AQR: variants seen among roughly 807,000 people sequenced by gnomAD.
AQR encodes the protein aquarius intron-binding spliceosomal factor.
AQR carries 61 observed loss-of-function variants against 180.5 expected under a neutral mutation model. The observed-to-expected ratio is 0.34, with a 90% confidence interval of 0.28 to 0.42. The LOEUF (loss-of-function observed/expected upper bound fraction) is 0.42, where lower values mean the gene tolerates loss of function less well. AQR is among the 10% of genes least tolerant of loss of function. The probability of loss-of-function intolerance (pLI) is 1.00; values close to 1 mark genes in which losing one functional copy is unlikely to be tolerated. For missense variants in AQR, 1,281 were observed against 1,798.3 expected, an observed-to-expected ratio of 0.71 and a Z score of 5.20; for synonymous variants, 551 against 588.8, an observed-to-expected ratio of 0.94 and a Z score of 0.93.
At chr15:34,871,943 T>C (rs1183580657) in intron 30 of AQR, among the ~76,000 whole-genome samples, 8 of 142,782 alleles carry the variant, frequency 5.6e-5, no homozygotes, top group Admixed American at 5.6e-4. Flanking sequence ...AATAAGAATA[T>C]AAACACAATA....
chr15:34,884,794 A>G (rs1313863495), intron 25 of AQR, 60 bp from the exon 26 acceptor site: 1 of 1,299,586 alleles, frequency 7.7e-7, no homozygotes, highest in East Asian at 2.4e-5. Flanking sequence ...AAAGCATAAA[A>G]TGAATAAATC....
chr15:34,856,770 C>A lies in AQR; in HGVS notation c.*22G>T. On this transcript the variant is annotated 3_prime_UTR_variant, in exon 35 of 35. Transcript: ENST00000156471. ...CAGACTTTTTGACTGCCATGTCCTC[C>A]TTTAGAAGGACTACAGTTTGGCTAC... The A allele has an allele frequency of 2.0e-6, 3 of 1,490,680 alleles. No individual in the cohort carries two copies. Among genetic ancestry groups the A allele is most frequent in the Non-Finnish European group, 1.8e-6 (2 of 1,119,418 alleles). 92.3% of individuals were successfully genotyped at this position (1,490,680 alleles called of 1,614,324 possible).
intron 20 of AQR, among the ~76,000 whole-genome samples, chr15:34,898,937 G>A (rs1294299997): frequency 6.6e-6 from 1 of 151,182 alleles, no homozygotes; most frequent in Non-Finnish European, 1.5e-5. Flanking sequence ...GGAGGCCAAG[G>A]TGGGTGGATC....
intron 34 of AQR, among the ~76,000 whole-genome samples, chr15:34,857,357 T>C (rs1490321202): frequency 1.3e-5 from 2 of 152,232 alleles, no homozygotes; most frequent in Admixed American, 6.5e-5. Flanking sequence ...AGCTATTAGA[T>C]TTTTAAGCAA....
intron 3 of AQR, among the ~76,000 whole-genome samples, chr15:34,958,154 G>C (rs575099725): frequency 2.0e-5 from 3 of 152,282 alleles, no homozygotes; most frequent in African/African-American, 7.2e-5. Context: ...CTTGCAGTGA[G>C]CCGAGATCAT....
At chr15:34,876,512 T>C (rs1037312328) in intron 27 of AQR, among the ~76,000 whole-genome samples, 16 of 152,094 alleles carry the variant, frequency 1.1e-4, no homozygotes, top group African/African-American at 3.9e-4. Flanking sequence ...TCAAAACTCT[T>C]GAGTCTATTC....
chr15:34,958,024 T>A (rs994042625), intron 3 of AQR, among the ~76,000 whole-genome samples: 2 of 150,780 alleles, frequency 1.3e-5, no homozygotes, highest in Non-Finnish European at 3.0e-5. Flanking sequence ...CTGGCTAACA[T>A]GGTGAAACCC....
intron 17 of AQR, among the ~76,000 whole-genome samples, chr15:34,908,226 T>C (rs1394355207): frequency 6.6e-6 from 1 of 152,040 alleles, no homozygotes; most frequent in South Asian, 2.1e-4. Flanking sequence ...CTGAGGCAGG[T>C]GGATCACAAG....
At chr15:34,910,043 G>T in intron 17 of AQR, 92 bp downstream of exon 17, 1 of 1,412,500 alleles carries the variant, frequency 7.1e-7, no homozygotes, top group Non-Finnish European at 9.8e-7. Context: ...AGCTTTAAAG[G>T]ATAACATTTA....
intron 33 of AQR, among the ~76,000 whole-genome samples, chr15:34,861,866 T>C (rs972193308): frequency 6.6e-6 from 1 of 152,162 alleles, no homozygotes; most frequent in Non-Finnish European, 1.5e-5. Flanking sequence ...ATTTAAGTTT[T>C]TTTTTAGTAG....
At chr15:34,920,564 G>A (rs1009911855) in intron 13 of AQR, 130 bp from the exon 14 acceptor site, 5 of 691,830 alleles carry the variant, frequency 7.2e-6, no homozygotes, top group East Asian at 2.9e-5. Flanking sequence ...TCAAAAACCA[G>A]CAATGAAAAT....
intron 18 of AQR, 150 bp from the exon 19 acceptor site, chr15:34,904,655 C>G (rs951751599): frequency 2.1e-5 from 14 of 657,690 alleles, no homozygotes; most frequent in Admixed American, 1.8e-4. Flanking sequence ...TCCACTCACC[C>G]ACTTCAAATT....
At position 34,938,738 on chromosome 15, in the gene AQR, A is replaced by G. The variant is rs1482344516; in HGVS notation, c.717T>C (p.Ser239=). 7.1e-7 allele frequency: 1 copy of G among 1,399,692 alleles called. No homozygotes were observed. Among genetic ancestry groups the G allele is most frequent in the African/African-American group, 1.5e-5 (1 of 66,656 alleles). The allele number at this position is 1,399,692 out of a possible 1,614,324, so 86.7% of individuals were successfully genotyped here. The part of the protein sequence containing the change: ...FISVLKSVPL[S]EPVTMDKVHY... The stretch of plus-strand genomic sequence containing the variant: ...TGCACTGAGTAAAAAAGAAGATACC[A>G]GAAAGTGGGACTGATTTCAGCACAG... The change falls in exon 9 of 35, where the codon TCT becomes TCC. Residue 239 remains serine (S), a splice_region_variant and synonymous_variant. Transcript: ENST00000156471.
At position 34,948,047 on chromosome 15, in the gene AQR, T is replaced by C. The variant is rs1894156272; in HGVS notation, c.330+217A>G. 13 of 453,920 alleles carry C rather than the reference T, an allele frequency of 2.9e-5. No homozygotes were observed. In the South Asian group the frequency reaches 4.9e-4, roughly 17 times the overall value. 28.1% of individuals were successfully genotyped at this position (453,920 alleles called of 1,614,324 possible). The stretch of plus-strand genomic sequence containing the variant: ...AAAGCAGAAAAATAACTCACATTCA[T>C]AAATTTTCAATTCATAGTAAATTAT... On this transcript the variant is annotated intron_variant, in intron 5 of 34. Transcript: ENST00000156471.
chr15:34,867,940 T>C (rs764492971), intron 31 of AQR: 5 of 209,922 alleles, frequency 2.4e-5, no homozygotes, highest in Non-Finnish European at 4.7e-5. Flanking sequence ...TATTAACTGG[T>C]ATCCCAGTTT....
At position 34,939,812 on chromosome 15, in the gene AQR, A is replaced by G. The variant is rs143286385; in HGVS notation, c.642-999T>C. ...ATTTTGCCAGGATCTGAGCTATGCT[A>G]AACACTTCACATCTTATTTAATATT... On this transcript the variant is annotated intron_variant, in intron 8 of 34. Transcript: ENST00000156471. Among the ~76,000 whole-genome samples the G allele has an allele frequency of 3.6e-3, 545 of 152,362 alleles. 2 individuals carry two copies. Among genetic ancestry groups the G allele is most frequent in the African/African-American group, 0.013 (520 of 41,580 alleles).
chr15:34,966,198 G>C (rs1176069804), intron 1 of AQR, among the ~76,000 whole-genome samples: 6 of 152,116 alleles, frequency 3.9e-5, no homozygotes, highest in African/African-American at 1.4e-4. Context: ...AAAAAAGTGA[G>C]GTCACAAAGT....
chr15:34,949,786 A>C (rs1894190731), intron 4 of AQR, among the ~76,000 whole-genome samples: 1 of 139,334 alleles, frequency 7.2e-6, no homozygotes, highest in African/African-American at 2.7e-5. Flanking sequence ...GTGAGACCTT[A>C]TCTCTATTAA....
At chr15:34,968,591 G>A (rs2050325766) in intron 1 of AQR, among the ~76,000 whole-genome samples, 3 of 152,310 alleles carry the variant, frequency 2.0e-5, no homozygotes, top group Non-Finnish European at 4.4e-5. Flanking sequence ...CAAGTGATAT[G>A]ATGAGATTTG....
Sources: gnomAD v4.1 joint callset for allele counts (sites outside exome capture counted in the v4.1 genomes callset) on GRCh38, gnomAD v4.1.1 for gene constraint, MANE v1.5 for transcripts, NCBI Gene and HGNC (gene_info 2026-07-23, HGNC 2026-07-21) for gene names.